The following PDE10A variants were observed in gnomAD, a reference collection of about 807,000 sequenced individuals.
PDE10A encodes the protein cAMP and cAMP-inhibited cGMP 3',5'-cyclic phosphodiesterase 10A.
Under a neutral mutation model 97.7 loss-of-function variants are expected in PDE10A, and 39 were observed. That is an observed-to-expected ratio of 0.40 (90% CI 0.31 to 0.52). The LOEUF is 0.52. Among genes scored for constraint, PDE10A ranks in the 20% least tolerant of loss-of-function variants. The pLI is 0.56. For missense variants in PDE10A, 731 were observed against 1,047.8 expected, an observed-to-expected ratio of 0.70 and a Z score of 4.17; for synonymous variants, 371 against 376.8, an observed-to-expected ratio of 0.98 and a Z score of 0.18.
intron 1 of PDE10A, among the ~76,000 whole-genome samples, chr6:165,790,856 G>C (rs1778629014): frequency 6.6e-6 from 1 of 152,086 alleles, no homozygotes; most frequent in Non-Finnish European, 1.5e-5. Context: ...TTTGATTGAC[G>C]AGAGTACTTA....
At chr6:165,713,603 G>A (rs974669944) in intron 1 of PDE10A, among the ~76,000 whole-genome samples, 1 of 152,130 alleles carries the variant, frequency 6.6e-6, no homozygotes, top group Admixed American at 6.5e-5. Flanking sequence ...AAGGTTTGAC[G>A]ACAAAGAAGA....
chr6:165,699,122 A>G (rs1791508595), intron 1 of PDE10A, among the ~76,000 whole-genome samples: 1 of 152,216 alleles, frequency 6.6e-6, no homozygotes, highest in African/African-American at 2.4e-5. Context: ...AAAGATACAA[A>G]TAGATTTAAG....
At position 165,884,480 on chromosome 6, in the gene PDE10A, G is replaced by A. The variant is rs758328770; in HGVS notation, c.-615+103049C>T. 5.9e-5 allele frequency among the ~76,000 whole-genome samples: 9 copies of A among 152,236 alleles called. No individual in the cohort carries two copies. In the East Asian group the frequency reaches 9.7e-4, roughly 16 times the overall value. On this transcript the variant is annotated intron_variant, in intron 1 of 19. Coordinates refer to the PDE10A transcript ENST00000366882. ...ACTCACCCAAAGTCCCAGAACCCTC[G>A]AGTGGCAGAGTTGAAATCAGAAGCC...
chr6:165,365,213 T>C (rs992970082), intron 18 of PDE10A, among the ~76,000 whole-genome samples: 8 of 151,998 alleles, frequency 5.3e-5, no homozygotes, highest in Non-Finnish European at 8.8e-5. Flanking sequence ...TAAATACAAA[T>C]TTAGTAATAT....
chr6:165,431,341 C>A, intron 8 of PDE10A, 81 bp downstream of exon 8: 3 of 800,030 alleles, frequency 3.7e-6, no homozygotes, highest in East Asian at 2.8e-5. Flanking sequence ...GTGACTTAAC[C>A]TCTATTCCGG....
At chr6:165,343,857 T>C (rs906355628) in intron 18 of PDE10A, among the ~76,000 whole-genome samples, 1 of 152,170 alleles carries the variant, frequency 6.6e-6, no homozygotes, top group South Asian at 2.1e-4. Context: ...ATTTTGGAAA[T>C]TTAGAGTGGG....
chr6:165,528,763 C>T (rs1281266885), intron 2 of PDE10A, among the ~76,000 whole-genome samples: 1 of 152,190 alleles, frequency 6.6e-6, no homozygotes, highest in Non-Finnish European at 1.5e-5. Flanking sequence ...CTGGTCTTAC[C>T]ATGTTCCCCA....
chr6:165,616,534 TAGTC>T (rs1787734508), intron 1 of PDE10A, among the ~76,000 whole-genome samples: 1 of 152,190 alleles, frequency 6.6e-6, no homozygotes, highest in Non-Finnish European at 1.5e-5. Flanking sequence ...AAGTTTGTGT[TAGTC>T]AGATTAAACA....
At chr6:165,845,172 G>A (rs896964140) in intron 1 of PDE10A, among the ~76,000 whole-genome samples, 9 of 152,204 alleles carry the variant, frequency 5.9e-5, no homozygotes, top group African/African-American at 1.9e-4. Context: ...TGAGATCAGG[G>A]CATGTGTGTG....
At chr6:165,693,809 C>A (rs1008091815) in intron 1 of PDE10A, among the ~76,000 whole-genome samples, 2 of 152,062 alleles carry the variant, frequency 1.3e-5, no homozygotes, top group South Asian at 2.1e-4. Context: ...TCATTTCAGG[C>A]AAAAAGGTCA....
intron 1 of PDE10A, among the ~76,000 whole-genome samples, chr6:165,717,062 A>G (rs1363150507): frequency 6.6e-6 from 1 of 152,176 alleles, no homozygotes; most frequent in Non-Finnish European, 1.5e-5. Context: ...TGACTTCTCT[A>G]GGTGCGTCAT....
At chr6:165,765,537 C>T (rs1777819292) in intron 1 of PDE10A, among the ~76,000 whole-genome samples, 1 of 152,256 alleles carries the variant, frequency 6.6e-6, no homozygotes, top group South Asian at 2.1e-4. Flanking sequence ...GGTGCTAAGT[C>T]CCTCATTGCC....
chr6:165,696,161 A>G (rs1447552218), intron 1 of PDE10A, among the ~76,000 whole-genome samples: 1 of 152,212 alleles, frequency 6.6e-6, no homozygotes, highest in East Asian at 1.9e-4. Context: ...AACTAAGTGA[A>G]TAAACAAAGC....
At chr6:165,640,310 T>A (rs541852314) in intron 1 of PDE10A, among the ~76,000 whole-genome samples, 13 of 152,186 alleles carry the variant, frequency 8.5e-5, no homozygotes, top group East Asian at 1.9e-4. Context: ...CATATTAAAA[T>A]TTTTTTTACC....
chr6:165,881,738 T>C (rs530559429), intron 1 of PDE10A, among the ~76,000 whole-genome samples: 1 of 152,108 alleles, frequency 6.6e-6, no homozygotes, highest in African/African-American at 2.4e-5. Flanking sequence ...CAGGTTGCAT[T>C]TGACTAAATA....
chr6:165,920,042 G>C (rs1224977301), intron 1 of PDE10A, among the ~76,000 whole-genome samples: 1 of 152,168 alleles, frequency 6.6e-6, no homozygotes, highest in Non-Finnish European at 1.5e-5. Flanking sequence ...GCAAACTACT[G>C]TTTCTTTGCT....
chr6:165,449,631 G>C (rs1266130618), intron 4 of PDE10A, among the ~76,000 whole-genome samples: 1 of 152,092 alleles, frequency 6.6e-6, no homozygotes, highest in Non-Finnish European at 1.5e-5. Context: ...ATAAAAATAA[G>C]TCAGTTAATG....
At chr6:165,703,775 T>A (rs1362318589) in intron 1 of PDE10A, among the ~76,000 whole-genome samples, 1 of 152,218 alleles carries the variant, frequency 6.6e-6, no homozygotes, top group Non-Finnish European at 1.5e-5. Context: ...CCCATCTCCC[T>A]GCTTCCATCC....
chr6:165,856,879 C>T (rs1037057373), intron 1 of PDE10A, among the ~76,000 whole-genome samples: 5 of 152,116 alleles, frequency 3.3e-5, no homozygotes, highest in South Asian at 4.1e-4. Context: ...TTAAAGAATT[C>T]GACTCTGGGA....
Sources: gnomAD v4.1 joint callset for allele counts (sites outside exome capture counted in the v4.1 genomes callset) on GRCh38, gnomAD v4.1.1 for gene constraint, MANE v1.5 for transcripts, NCBI Gene and HGNC (gene_info 2026-07-23, HGNC 2026-07-21) for gene names.